Variants in MAP3K7 observed in about 807,000 individuals in gnomAD.
MAP3K7 encodes the protein TGF-beta activated kinase 1.
MAP3K7 carries 21 observed loss-of-function variants against 84.8 expected under a neutral mutation model. The observed-to-expected ratio is 0.25, with a 90% confidence interval of 0.18 to 0.36. The LOEUF (loss-of-function observed/expected upper bound fraction) is 0.36, where lower values mean the gene tolerates loss of function less well. Among genes scored for constraint, MAP3K7 ranks in the 10% least tolerant of loss-of-function variants. The probability of loss-of-function intolerance (pLI) is 1.00; values close to 1 mark genes in which losing one functional copy is unlikely to be tolerated. For synonymous variants in MAP3K7, 241 were observed against 247.7 expected, an observed-to-expected ratio of 0.97 and a Z score of 0.25; for missense variants, 503 against 747.7, an observed-to-expected ratio of 0.67 and a Z score of 3.82.
chr6:90,586,461 C>A (rs1243135910), intron 1 of MAP3K7, among the ~76,000 whole-genome samples: 1 of 151,602 alleles, frequency 6.6e-6, no homozygotes. Context: ...GAAACTACTA[C>A]TTACAGATAC....
At chr6:90,553,223 G>A (rs1257914117) in intron 7 of MAP3K7, among the ~76,000 whole-genome samples, 1 of 152,048 alleles carries the variant, frequency 6.6e-6, no homozygotes, top group Non-Finnish European at 1.5e-5. Context: ...CCTAATCAGC[G>A]GAGCCAGTGA....
chr6:90,552,858 T>A (rs544084792), intron 7 of MAP3K7, among the ~76,000 whole-genome samples: 1 of 152,210 alleles, frequency 6.6e-6, no homozygotes, highest in African/African-American at 2.4e-5. Context: ...AGCATTCAAG[T>A]CAGAAGCATC....
chr6:90,520,595 T>C (rs1264129138), intron 14 of MAP3K7, among the ~76,000 whole-genome samples: 7 of 152,040 alleles, frequency 4.6e-5, no homozygotes, highest in African/African-American at 7.2e-5. Context: ...TAAAATAGTA[T>C]AGTATGAATT....
intron 12 of MAP3K7, among the ~76,000 whole-genome samples, chr6:90,542,006 T>C (rs1012347965): frequency 6.6e-6 from 1 of 152,032 alleles, no homozygotes; most frequent in Non-Finnish European, 1.5e-5. Flanking sequence ...TAAAAAGCTA[T>C]ATTTAAAAAG....
chr6:90,582,501 G>T (rs1388059117), intron 1 of MAP3K7, among the ~76,000 whole-genome samples: 10 of 152,186 alleles, frequency 6.6e-5, no homozygotes, highest in Non-Finnish European at 1.5e-4. Context: ...AATGACAAAA[G>T]ATCTAGGTTG....
At chr6:90,574,646 T>C (rs769260489) in intron 1 of MAP3K7, among the ~76,000 whole-genome samples, 9 of 152,216 alleles carry the variant, frequency 5.9e-5, no homozygotes, top group Non-Finnish European at 1.0e-4. Flanking sequence ...TTCTTCCATT[T>C]TGAGGAACGT....
intron 1 of MAP3K7, among the ~76,000 whole-genome samples, chr6:90,576,240 G>A (rs1191303329): frequency 1.3e-5 from 2 of 151,974 alleles, no homozygotes; most frequent in African/African-American, 2.4e-5. Context: ...TGGCTAACAC[G>A]GTGAAACCCC....
intron 14 of MAP3K7, among the ~76,000 whole-genome samples, chr6:90,523,118 T>C (rs151263756): frequency 4.2e-4 from 64 of 152,288 alleles, no homozygotes; most frequent in African/African-American, 1.5e-3. Context: ...TAGTTATTCA[T>C]GTTGGGGAGC....
chr6:90,540,893 G>C (rs1004726565), intron 12 of MAP3K7, among the ~76,000 whole-genome samples: 3 of 151,782 alleles, frequency 2.0e-5, no homozygotes, highest in African/African-American at 7.3e-5. Context: ...TAAAATTTAG[G>C]TATTCTTCTA....
chr6:90,557,219 C>T (rs533784499), intron 5 of MAP3K7, among the ~76,000 whole-genome samples: 14 of 152,178 alleles, frequency 9.2e-5, no homozygotes, highest in Admixed American at 3.3e-4. Context: ...ACTTAAGATT[C>T]GGACTTTCCT....
intron 3 of MAP3K7, among the ~76,000 whole-genome samples, chr6:90,561,960 T>C (rs1369013791): frequency 6.6e-6 from 1 of 152,156 alleles, no homozygotes; most frequent in African/African-American, 2.4e-5. Context: ...AAAAGCCTCA[T>C]AAGAAGATGA....
At chr6:90,564,833 C>T (rs529822862) in intron 3 of MAP3K7, among the ~76,000 whole-genome samples, 16 of 152,306 alleles carry the variant, frequency 1.1e-4, no homozygotes, top group Non-Finnish European at 1.8e-4. Context: ...AAACACTCCT[C>T]AGCAAATGTA....
chr6:90,536,365 A>G lies in MAP3K7; in HGVS notation c.1328T>C (p.Leu443Ser), dbSNP rs1356157105. The change falls in exon 13 of 17, where the codon TTG becomes TCG. Residue 443 changes from leucine (L) to serine (S), a missense_variant. This residue lies in a region of MAP3K7 where 286 missense variants were observed against 313.6 expected (regional missense o/e 0.91). Coordinates refer to ENST00000369329, the MANE Select transcript of MAP3K7 (RefSeq NM_145331.3). ...ACCAGGTTCTGTTCCAGTTACAGTC[A>G]AGTCTTGGATGGATCTACGTCTTGG... ...GQPRRRSIQD[L>S]TVTGTEPGQV... The G allele has an allele frequency of 1.2e-6, 2 of 1,612,530 alleles. No homozygotes were observed. The highest frequency in any genetic ancestry group is 2.2e-5 in the South Asian group (2 of 91,038).
intron 16 of MAP3K7, among the ~76,000 whole-genome samples, chr6:90,516,910 G>A (rs1047620683): frequency 2.8e-4 from 42 of 151,830 alleles, no homozygotes; most frequent in African/African-American, 1.0e-3. Context: ...GATAATTAGC[G>A]AAGCAGATAA....
intron 1 of MAP3K7, among the ~76,000 whole-genome samples, chr6:90,575,825 A>T (rs1040520379): frequency 6.6e-6 from 1 of 151,902 alleles, no homozygotes; most frequent in African/African-American, 2.4e-5. Context: ...AGAATAATGA[A>T]CTTCGTTTGT....
At chr6:90,576,419 T>TCTCACACACACACACACA (rs1258151898) in intron 1 of MAP3K7, among the ~76,000 whole-genome samples, 1 of 136,876 alleles carries the variant, frequency 7.3e-6, no homozygotes, top group Admixed American at 7.3e-5. Flanking sequence ...CTAGACTCTG[T>TCTCACACACACACACACA]CACACACACA....
At chr6:90,526,490 T>A (rs1255161687) in intron 13 of MAP3K7, among the ~76,000 whole-genome samples, 1 of 152,132 alleles carries the variant, frequency 6.6e-6, no homozygotes, top group East Asian at 1.9e-4. Flanking sequence ...AAAAGGGACA[T>A]TAGAAAGTAC....
chr6:90,565,981 G>A, intron 3 of MAP3K7, among the ~76,000 whole-genome samples: 1 of 152,112 alleles, frequency 6.6e-6, no homozygotes. Context: ...TATCTCAATA[G>A]ATGCAGAAAA....
At chr6:90,540,661 TAC>T (rs996055704) in intron 12 of MAP3K7, among the ~76,000 whole-genome samples, 2 of 151,898 alleles carry the variant, frequency 1.3e-5, no homozygotes, top group Non-Finnish European at 2.9e-5. Flanking sequence ...GCATTATAAT[TAC>T]AGTTTATTTC....
Sources: allele counts gnomAD v4.1 joint callset (sites outside exome capture counted in the v4.1 genomes callset), GRCh38; gene constraint gnomAD v4.1.1; regional missense constraint gnomAD v4.1.1; transcripts MANE v1.5; gene names NCBI Gene and HGNC (gene_info 2026-07-23, HGNC 2026-07-21).